RMDN1: variants seen among roughly 807,000 people sequenced by gnomAD.
RMDN1 encodes regulator of microtubule dynamics protein 1.
In RMDN1, 48 loss-of-function variants were observed where a neutral mutation model predicts 48.9. The observed-to-expected ratio is 0.98, with a 90% CI of 0.78 to 1.25. The LOEUF is 1.25. RMDN1 is among the 50% of genes most tolerant of loss of function. The pLI is 0.00. For synonymous variants in RMDN1, 148 were observed against 132.6 expected (o/e 1.12, Z -0.80); for missense variants, 418 against 373.4 (o/e 1.12, Z -0.98).
At chr8:86,506,822 T>G (rs558161835) in intron 2 of RMDN1, among the ~76,000 whole-genome samples, 173 bp downstream of exon 2, 3 of 152,194 alleles carry the variant, frequency 2.0e-5, no homozygotes, top group Non-Finnish European at 4.4e-5. Context: ...AAACAGTAGG[T>G]TGGCAGTTAG....
intron 1 of RMDN1, 170 bp downstream of exon 1, chr8:86,508,322 T>C (rs540185425): frequency 1.6e-5 from 11 of 675,986 alleles, no homozygotes; most frequent in Middle Eastern, 4.3e-4. Context: ...TAGTGGAGGT[T>C]TGCAAAATGG....
intron 3 of RMDN1, among the ~76,000 whole-genome samples, chr8:86,487,406 C>A (rs1815655549): frequency 6.6e-6 from 1 of 152,112 alleles, no homozygotes; most frequent in Non-Finnish European, 1.5e-5. Context: ...GAGTTCAAAA[C>A]CAGCCTGATC....
intron 2 of RMDN1, chr8:86,504,836 C>T: frequency 1.9e-6 from 2 of 1,057,826 alleles, no homozygotes; most frequent in Admixed American, 1.7e-5. Context: ...GACTGCTCTT[C>T]CCCTCTGCTG....
intron 4 of RMDN1, among the ~76,000 whole-genome samples, chr8:86,485,219 G>A (rs1046243613): frequency 6.6e-6 from 1 of 152,212 alleles, no homozygotes; most frequent in Non-Finnish European, 1.5e-5. Context: ...CCTGAGGTCA[G>A]GAGTTTGAGG....
At chr8:86,475,624 TATG>T (rs1461118327) in intron 8 of RMDN1, among the ~76,000 whole-genome samples, 2 of 152,116 alleles carry the variant, frequency 1.3e-5, no homozygotes, top group East Asian at 3.9e-4. Flanking sequence ...ACAGAAAGCC[TATG>T]AATGAAAACA....
At chr8:86,499,938 A>G (rs577890884) in intron 2 of RMDN1, among the ~76,000 whole-genome samples, 1 of 152,332 alleles carries the variant, frequency 6.6e-6, no homozygotes, top group East Asian at 1.9e-4. Flanking sequence ...GCAATGGAGA[A>G]AAGAATCCCT....
At position 86,508,644 on chromosome 8, in the gene RMDN1, C is replaced by T. The variant is rs764901723; in HGVS notation, c.-24G>A. The T allele has an allele frequency of 1.3e-6, 2 of 1,585,150 alleles. No homozygotes were observed. The highest frequency in any genetic ancestry group is 1.7e-5 in the Admixed American group (1 of 57,900). Reference sequence around the variant, plus strand: ...ATGACCTGCAACTTGCGGGCTGACCCTGCACTACTTCAGGCAGCTACGGAG... The same window carrying T: ...ATGACCTGCAACTTGCGGGCTGACCTTGCACTACTTCAGGCAGCTACGGAG... On this transcript the variant is annotated 5_prime_UTR_variant, in exon 1 of 10. Transcript: ENST00000406452.
chr8:86,495,256 G>A (rs2131032338), intron 2 of RMDN1, among the ~76,000 whole-genome samples: 1 of 152,274 alleles, frequency 6.6e-6, no homozygotes, highest in South Asian at 2.1e-4. Context: ...CTGGCACCTA[G>A]AAGCTCCTAG....
At chr8:86,484,838 T>C in intron 5 of RMDN1, 34 bp downstream of exon 5, 4 of 1,382,576 alleles carry the variant, frequency 2.9e-6, no homozygotes, top group Middle Eastern at 2.3e-4. Context: ...AATATGACTT[T>C]TAAAATTCAT....
downstream of RMDN1, chr8:86,468,765 A>C (rs939338290): frequency 1.5e-5 from 7 of 454,472 alleles, no homozygotes; most frequent in Admixed American, 4.7e-5. Context: ...TCCACTTTTC[A>C]TACCCAATTA....
intron 2 of RMDN1, among the ~76,000 whole-genome samples, chr8:86,506,748 A>C (rs950422655): frequency 9.2e-5 from 14 of 152,148 alleles, no homozygotes; most frequent in African/African-American, 3.4e-4. Context: ...GCACATAGCT[A>C]TGGAGTGGGG....
intron 2 of RMDN1, chr8:86,503,642 CA>C: frequency 2.0e-6 from 1 of 496,694 alleles, no homozygotes; most frequent in Admixed American, 2.2e-5. Context: ...TGGCTCTTTC[CA>C]AGTTGGCTAC....
At chr8:86,486,305 A>G (rs762166908) in intron 4 of RMDN1, among the ~76,000 whole-genome samples, 179 bp downstream of exon 4, 3 of 152,206 alleles carry the variant, frequency 2.0e-5, no homozygotes, top group African/African-American at 4.8e-5. Flanking sequence ...ACTTATAAAA[A>G]TAACTATCTT....
At chr8:86,471,212 T>C (rs139625426), downstream of RMDN1, among the ~76,000 whole-genome samples, 1,471 of 151,722 alleles carry the variant, frequency 9.7e-3, 27 homozygotes, top group African/African-American at 0.034. Flanking sequence ...TTTTTAAAGT[T>C]CTAATAAGGA....
downstream of RMDN1, chr8:86,470,208 A>G (rs1258240585): frequency 7.8e-7 from 1 of 1,288,970 alleles, no homozygotes; most frequent in African/African-American, 1.5e-5. Context: ...ACAGAGTACT[A>G]CCAACTTACT....
At chr8:86,476,907 C>T (rs1813473601) in intron 8 of RMDN1, among the ~76,000 whole-genome samples, 2 of 152,046 alleles carry the variant, frequency 1.3e-5, no homozygotes, top group Admixed American at 6.6e-5. Context: ...CGCTATGTTG[C>T]CCAGGCTGGT....
chr8:86,473,099 C>A lies in RMDN1; in HGVS notation c.*1209G>T. The A allele has an allele frequency of 1.0e-6, 1 of 984,732 alleles. No individual in the cohort carries two copies. Among genetic ancestry groups the A allele is most frequent in the Non-Finnish European group, 1.2e-6 (1 of 829,354 alleles). 61.0% of individuals were successfully genotyped at this position (984,732 alleles called of 1,614,324 possible). On this transcript the variant is annotated 3_prime_UTR_variant, in exon 10 of 10. Transcript: ENST00000406452. ...GATAAGGGATACACAACCTATATAG[C>A]AAAATCACTGAATCTAAGAGATGGG...
chr8:86,503,371 C>A (rs78198029), intron 2 of RMDN1, among the ~76,000 whole-genome samples: 4,772 of 62,474 alleles, frequency 0.076, 316 homozygotes, highest in African/African-American at 0.11. Context: ...CAAAACAAAA[C>A]AAAAAAAAAA....
At chr8:86,480,519 TTATAC>T (rs1814204772) in intron 5 of RMDN1, among the ~76,000 whole-genome samples, 187 bp from the exon 6 acceptor site, 1 of 152,124 alleles carries the variant, frequency 6.6e-6, no homozygotes, top group South Asian at 2.1e-4. Flanking sequence ...TATTAATGAC[TTATAC>T]TAATGTTACT....
Sources: gnomAD v4.1 joint callset for allele counts (sites outside exome capture counted in the v4.1 genomes callset) on GRCh38, gnomAD v4.1.1 for gene constraint, MANE v1.5 for transcripts, NCBI Gene and HGNC (gene_info 2026-07-23, HGNC 2026-07-21) for gene names.